ARHGAP15: variants seen among roughly 807,000 people sequenced by gnomAD.
ARHGAP15 encodes the protein rho GTPase-activating protein 15.
Under a neutral mutation model 63.7 loss-of-function variants are expected in ARHGAP15, and 51 were observed. The observed-to-expected ratio is 0.80, with a 90% CI of 0.64 to 1.01. The LOEUF (loss-of-function observed/expected upper bound fraction) is 1.01, where lower values mean the gene tolerates loss of function less well. Ranked by LOEUF, ARHGAP15 falls within the 50% of genes least tolerant of loss-of-function variation. ARHGAP15 has a pLI of 0.00. For synonymous variants in ARHGAP15, 191 were observed against 193.8 expected, an observed-to-expected ratio of 0.99 and a Z score of 0.12; for missense variants, 560 against 564.6, an observed-to-expected ratio of 0.99 and a Z score of 0.08.
intron 6 of ARHGAP15, among the ~76,000 whole-genome samples, chr2:143,345,668 G>C (rs774201170): frequency 2.0e-4 from 31 of 151,996 alleles, no homozygotes; most frequent in Non-Finnish European, 3.7e-4. Context: ...TTTGGGTACA[G>C]AGTAGTGCAA....
chr2:143,624,617 A>C (rs1420034845), intron 12 of ARHGAP15, among the ~76,000 whole-genome samples: 1 of 152,188 alleles, frequency 6.6e-6, no homozygotes, highest in Non-Finnish European at 1.5e-5. Context: ...AATTGCAATG[A>C]GTTTGAATAC....
intron 5 of ARHGAP15, among the ~76,000 whole-genome samples, chr2:143,235,447 T>G (rs971703883): frequency 6.6e-6 from 1 of 152,132 alleles, no homozygotes; most frequent in Non-Finnish European, 1.5e-5. Flanking sequence ...ATTTTTGTTT[T>G]GGTTTGAAGA....
intron 11 of ARHGAP15, among the ~76,000 whole-genome samples, chr2:143,610,669 G>A (rs983226952): frequency 3.3e-5 from 5 of 152,160 alleles, no homozygotes; most frequent in African/African-American, 9.7e-5. Context: ...AAGAGCTTGG[G>A]TTAGCAGTGG....
chr2:143,322,754 G>C (rs1684081269), intron 6 of ARHGAP15, among the ~76,000 whole-genome samples: 1 of 152,172 alleles, frequency 6.6e-6, no homozygotes, highest in South Asian at 2.1e-4. Context: ...TGAGTTGCAT[G>C]ATGCTTCGAT....
intron 8 of ARHGAP15, among the ~76,000 whole-genome samples, chr2:143,485,628 T>C (rs1213876458): frequency 6.6e-6 from 1 of 152,136 alleles, no homozygotes; most frequent in Non-Finnish European, 1.5e-5. Flanking sequence ...TCCACCCTCA[T>C]GGACCTATGG....
intron 12 of ARHGAP15, among the ~76,000 whole-genome samples, chr2:143,641,660 A>G (rs1233007232): frequency 2.0e-5 from 3 of 152,158 alleles, no homozygotes; most frequent in African/African-American, 7.2e-5. Context: ...CTATAAGGGT[A>G]TAAGTTGGTG....
At chr2:143,462,163 A>G (rs1401031352) in intron 8 of ARHGAP15, among the ~76,000 whole-genome samples, 1 of 152,172 alleles carries the variant, frequency 6.6e-6, no homozygotes, top group Non-Finnish European at 1.5e-5. Flanking sequence ...TTGTCTCAAT[A>G]AAATAAAATA....
intron 8 of ARHGAP15, among the ~76,000 whole-genome samples, chr2:143,461,220 A>G (rs1198641816): frequency 3.4e-5 from 5 of 147,304 alleles, no homozygotes; most frequent in Admixed American, 2.8e-4. Flanking sequence ...AATCCAGGAG[A>G]CAGAAGTTGC....
At chr2:143,514,948 C>A (rs1395290563) in intron 9 of ARHGAP15, among the ~76,000 whole-genome samples, 2 of 152,042 alleles carry the variant, frequency 1.3e-5, no homozygotes, top group East Asian at 1.9e-4. Flanking sequence ...TTTGGCCGAG[C>A]CCAATATCAA....
At chr2:143,355,868 T>A (rs147728509) in intron 6 of ARHGAP15, among the ~76,000 whole-genome samples, 1 of 152,272 alleles carries the variant, frequency 6.6e-6, no homozygotes, top group African/African-American at 2.4e-5. Context: ...GAAGAAGAGA[T>A]ACAAACTACA....
intron 6 of ARHGAP15, among the ~76,000 whole-genome samples, chr2:143,394,821 T>C (rs1687689419): frequency 6.6e-6 from 1 of 152,132 alleles, no homozygotes; most frequent in Admixed American, 6.6e-5. Flanking sequence ...AAATGAGTTT[T>C]CAGAGAGCAA....
chr2:143,470,960 C>CATAT (rs146929614), intron 8 of ARHGAP15, among the ~76,000 whole-genome samples: 22 of 136,326 alleles, frequency 1.6e-4, no homozygotes, highest in Admixed American at 1.5e-3. Context: ...ACATGTGTAT[C>CATAT]ATATGTGTGT....
intron 8 of ARHGAP15, chr2:143,480,742 C>T (rs536953629): frequency 6.6e-6 from 1 of 152,318 alleles, no homozygotes; most frequent in East Asian, 1.9e-4. Flanking sequence ...TTTCTGCCCA[C>T]TCTGACATAG....
chr2:143,305,867 TATATAA>T (rs1018205533), intron 6 of ARHGAP15, among the ~76,000 whole-genome samples: 2 of 152,066 alleles, frequency 1.3e-5, no homozygotes, highest in African/African-American at 4.8e-5. Context: ...TAATTTAAAA[TATATAA>T]ATAAAATTTA....
At chr2:143,268,204 T>C (rs1463397113) in intron 6 of ARHGAP15, among the ~76,000 whole-genome samples, 1 of 151,888 alleles carries the variant, frequency 6.6e-6, no homozygotes, top group Non-Finnish European at 1.5e-5. Context: ...TTTGAAGAGA[T>C]TGGTGTTAAA....
At position 143,161,161 on chromosome 2, in the gene ARHGAP15, C is replaced by A. The variant is rs533590276; in HGVS notation, c.165+5506C>A. On this transcript the variant is annotated intron_variant, in intron 2 of 13. Coordinates refer to ENST00000295095, the MANE Select transcript of ARHGAP15 (RefSeq NM_018460.4). ...AATGAAATGTTTTGATAGTTGTCGG[C>A]ACAAAGCATGTTTAATGTTTTGTGT... Among the ~76,000 whole-genome samples the A allele has an allele frequency of 1.6e-4, 24 of 152,034 alleles. No homozygotes were observed. The South Asian group carries it at 2.1e-3, about 13-fold the overall frequency.
In ARHGAP15 at chr2:143,577,543, G is replaced by A. The variant is rs949153494; in HGVS notation, c.1003+21058G>A. Among the ~76,000 whole-genome samples the A allele has an allele frequency of 5.3e-5, 8 of 152,084 alleles. No individual in the cohort carries two copies. The East Asian group carries it at 1.2e-3, about 22-fold the overall frequency. The stretch of plus-strand genomic sequence containing the variant: ...AGAATCGTAAGGCCTAACCTCTCTC[G>A]GTCTCTCAGCTCTGCTCTCCTCCCC... On this transcript the variant is annotated intron_variant, in intron 11 of 13. Coordinates refer to ENST00000295095, the MANE Select transcript of ARHGAP15 (RefSeq NM_018460.4).
At chr2:143,173,440 A>G (rs2105053169) in intron 2 of ARHGAP15, among the ~76,000 whole-genome samples, 1 of 152,258 alleles carries the variant, frequency 6.6e-6, no homozygotes, top group South Asian at 2.1e-4. Flanking sequence ...TAAACATATC[A>G]ATCCTGGTTC....
intron 13 of ARHGAP15, among the ~76,000 whole-genome samples, chr2:143,711,083 C>G (rs1294481756): frequency 6.6e-6 from 1 of 152,192 alleles, no homozygotes. Context: ...AAACACACAT[C>G]TATTTGTTTA....
Sources: allele counts gnomAD v4.1 joint callset (sites outside exome capture counted in the v4.1 genomes callset), GRCh38; gene constraint gnomAD v4.1.1; transcripts MANE v1.5; gene names NCBI Gene and HGNC (gene_info 2026-07-23, HGNC 2026-07-21).